The following FBN2 variants were observed in gnomAD, a reference collection of about 807,000 sequenced individuals.
FBN2 encodes fibrillin-2.
A neutral mutation model predicts 355.6 loss-of-function variants in FBN2; 105 were observed. That is an observed-to-expected ratio of 0.30 (90% CI 0.25 to 0.35). FBN2 has a LOEUF of 0.35. Ranked by LOEUF, FBN2 falls within the 10% of genes least tolerant of loss-of-function variation. The probability of loss-of-function intolerance (pLI) is 1.00; values close to 1 mark genes in which losing one functional copy is unlikely to be tolerated. For missense variants in FBN2, 3,280 were observed against 3,758.7 expected, an observed-to-expected ratio of 0.87 and a Z score of 3.33; for synonymous variants, 1,350 against 1,301.2, an observed-to-expected ratio of 1.04 and a Z score of -0.81.
At chr5:128,369,060 A>C (rs2126947155) in intron 16 of FBN2, 122 bp downstream of exon 16, 1 of 1,007,336 alleles carries the variant, frequency 9.9e-7, no homozygotes, top group East Asian at 2.4e-5. Flanking sequence ...ACAGGATTGG[A>C]TTTCTCTTCT....
rs2126793848 is a variant in FBN2 at position 128,261,793 on chromosome 5, G to A, written c.8307C>T (p.Gly2769=). The change falls in exon 64 of 65, where the codon GGC becomes GGT. Residue 2769 remains glycine, a synonymous_variant. Coordinates refer to ENST00000262464, the MANE Select transcript of FBN2 (RefSeq NM_001999.4). ...TCTGCCTGCTGTCTTTCTTAGAATA[G>A]CCGTTGATTTTGCACTCGTAGCATG... ...PEACYECKIN[G]YSKKDSRQKR... 3.7e-6 allele frequency: 6 copies of A among 1,614,188 alleles called. No individual in the cohort carries two copies. The highest frequency in any genetic ancestry group is 5.1e-6 in the Non-Finnish European group (6 of 1,180,002).
At chr5:128,461,032 A>T (rs1754541067) in intron 6 of FBN2, among the ~76,000 whole-genome samples, 1 of 152,244 alleles carries the variant, frequency 6.6e-6, no homozygotes, top group African/African-American at 2.4e-5. Context: ...GAGCTTCTGC[A>T]CAGCAAAAGT....
intron 64 of FBN2, among the ~76,000 whole-genome samples, chr5:128,260,705 C>T (rs1487623249): frequency 6.6e-6 from 1 of 152,186 alleles, no homozygotes; most frequent in Non-Finnish European, 1.5e-5. Context: ...AAATGTAACA[C>T]TGGCTTATTT....
At chr5:128,304,898 G>C in intron 45 of FBN2, 59 bp downstream of exon 45, 1 of 1,609,366 alleles carries the variant, frequency 6.2e-7, no homozygotes. Flanking sequence ...TGATGGAACT[G>C]TGATCTGTTC....
At chr5:128,537,258 T>C in intron 1 of FBN2, 92 bp downstream of exon 1, 1 of 1,565,330 alleles carries the variant, frequency 6.4e-7, no homozygotes, top group Non-Finnish European at 8.6e-7. Flanking sequence ...AGCTAAAGGG[T>C]CTGGGACGGA....
intron 55 of FBN2, among the ~76,000 whole-genome samples, chr5:128,280,542 C>T (rs778437485): frequency 2.0e-5 from 3 of 151,752 alleles, no homozygotes; most frequent in Admixed American, 1.3e-4. Flanking sequence ...TTTTCTTTAT[C>T]CTCTGCAGAG....
In FBN2 at chr5:128,286,737, G is replaced by C. The variant is rs368234173; in HGVS notation, c.6993C>G (p.Pro2331=). 6.2e-7 allele frequency: 1 copy of C among 1,614,084 alleles called. No homozygotes were observed. The highest frequency in any genetic ancestry group is 1.7e-5 in the Admixed American group (1 of 60,002). ...CICPPGMARR[P]DGEGCVDENE... ...GCTTACCTACACAGCCTTCTCCATC[G>C]GGCCTTCGGGCCATTCCAGGAGGGC... The change falls in exon 55 of 65, where the codon CCC becomes CCG. Residue 2331 remains proline, a synonymous_variant. Coordinates refer to ENST00000262464, the MANE Select transcript of FBN2 (RefSeq NM_001999.4).
At chr5:128,333,160 A>C in intron 31 of FBN2, 126 bp from the exon 32 acceptor site, 1 of 816,902 alleles carries the variant, frequency 1.2e-6, no homozygotes, top group Non-Finnish European at 2.0e-6. Flanking sequence ...AGAGTAGCCT[A>C]ACTAACTTTT....
chr5:128,472,889 A>G (rs1484576883), intron 5 of FBN2, among the ~76,000 whole-genome samples: 1 of 152,216 alleles, frequency 6.6e-6, no homozygotes, highest in East Asian at 1.9e-4. Flanking sequence ...GGGAGTAAGT[A>G]GACTTTTGAA....
chr5:128,504,752 G>T (rs1250141000), intron 5 of FBN2, among the ~76,000 whole-genome samples: 2 of 152,312 alleles, frequency 1.3e-5, no homozygotes, highest in Non-Finnish European at 1.5e-5. Flanking sequence ...TTTGGAATTG[G>T]ACTTTTAGGT....
chr5:128,344,120 G>A (rs111398772), intron 25 of FBN2, among the ~76,000 whole-genome samples: 23 of 152,178 alleles, frequency 1.5e-4, no homozygotes, highest in African/African-American at 1.2e-4. Context: ...GCATGGTGGC[G>A]CACACCTGTG....
At position 128,395,411 on chromosome 5, in the gene FBN2, T is replaced by G. The variant is rs1752623410; in HGVS notation, c.1079-137A>C. On this transcript the variant is annotated intron_variant, in intron 8 of 64. Transcript: ENST00000262464. Reference sequence around the variant, plus strand: ...GTTATCTATTCCTTTCTTCACTCTCTTAATATCTCAGACATTCATTGAGCC... The same window carrying G: ...GTTATCTATTCCTTTCTTCACTCTCGTAATATCTCAGACATTCATTGAGCC... 6 of 948,884 alleles carry G rather than the reference T, an allele frequency of 6.3e-6. No individual in the cohort carries two copies. The South Asian group carries it at 8.5e-5, about 13-fold the overall frequency. 58.8% of individuals were successfully genotyped at this position (948,884 alleles called of 1,614,324 possible). A position where few individuals can be genotyped will look rare whatever the true frequency, so the allele number is the denominator to read the frequency against.
At chr5:128,287,680 G>A (rs1749194435) in intron 53 of FBN2, among the ~76,000 whole-genome samples, 1 of 152,066 alleles carries the variant, frequency 6.6e-6, no homozygotes, top group Admixed American at 6.6e-5. Flanking sequence ...CAACCAGTAG[G>A]GAGTAATTTC....
intron 6 of FBN2, among the ~76,000 whole-genome samples, chr5:128,456,761 C>G (rs1581313647): frequency 6.6e-6 from 1 of 152,110 alleles, no homozygotes; most frequent in East Asian, 1.9e-4. Flanking sequence ...ACAGCATCAA[C>G]AGCAATAAAA....
In FBN2 at chr5:128,285,030, T is replaced by C. The variant is rs995214332; in HGVS notation, c.7012+1688A>G. On this transcript the variant is annotated intron_variant, in intron 55 of 64. Transcript: ENST00000262464. Reference sequence around the variant, plus strand: ...AAAAATGTTCTACTTATCAGATTTCTTGATTCATTTATTTGTTTAAGAAAT... The same window carrying C: ...AAAAATGTTCTACTTATCAGATTTCCTGATTCATTTATTTGTTTAAGAAAT... 7.2e-5 allele frequency among the ~76,000 whole-genome samples: 11 copies of C among 152,378 alleles called. No individual in the cohort carries two copies. In the East Asian group the frequency reaches 1.4e-3, roughly 19 times the overall value.
At chr5:128,489,791 G>A (rs1561482380) in intron 5 of FBN2, among the ~76,000 whole-genome samples, 1 of 152,086 alleles carries the variant, frequency 6.6e-6, no homozygotes, top group Non-Finnish European at 1.5e-5. Context: ...AAGCAACACA[G>A]CAACATAAAG....
intron 16 of FBN2, among the ~76,000 whole-genome samples, chr5:128,368,659 A>G (rs1467552848): frequency 6.6e-6 from 1 of 151,768 alleles, no homozygotes; most frequent in Non-Finnish European, 1.5e-5. Context: ...TAACTGTATA[A>G]GAAAATAGAT....
intron 11 of FBN2, among the ~76,000 whole-genome samples, chr5:128,390,052 A>G (rs967723453): frequency 1.3e-5 from 2 of 152,114 alleles, no homozygotes; most frequent in Admixed American, 1.3e-4. Context: ...TCCTTCACAG[A>G]CACTAATGTA....
Position 128,537,468 on chromosome 5 carries a change from G to C in FBN2, c.136C>G (p.Gln46Glu). Residue 46 changes from glutamine to glutamate, a missense_variant, in exon 1 of 65, where the codon CAG becomes GAG. This residue lies in a region of FBN2 where 203 missense variants were observed against 142.2 expected (regional missense o/e 1.43). Coordinates refer to ENST00000262464, the MANE Select transcript of FBN2 (RefSeq NM_001999.4). ...KPPRPQPPPQ[Q>E]VRSATAGSEG... ...GAGCCTGCTGTAGCGGACCGAACCT[G>C]TTGCGGCGGCGGCTGGGGCCGGGGC... 2 of 1,603,450 alleles carry C rather than the reference G, an allele frequency of 1.2e-6. No individual in the cohort carries two copies. Among genetic ancestry groups the C allele is most frequent in the Non-Finnish European group, 1.7e-6 (2 of 1,176,534 alleles).
Sources: allele counts gnomAD v4.1 joint callset (sites outside exome capture counted in the v4.1 genomes callset), GRCh38; gene constraint gnomAD v4.1.1; regional missense constraint gnomAD v4.1.1; transcripts MANE v1.5; gene names NCBI Gene and HGNC (gene_info 2026-07-23, HGNC 2026-07-21).